The following TRIM61 variants were observed in gnomAD, a reference collection of about 807,000 sequenced individuals.
The protein encoded by TRIM61 is tripartite motif containing 61, also known as putative tripartite motif-containing protein 61.
In TRIM61, 1 loss-of-function variant was observed where a neutral mutation model predicts 14.2. The observed-to-expected ratio is 0.07, with a 90% CI of 0.03 to 0.33. The LOEUF is 0.33. Ranked by LOEUF, TRIM61 falls within the 10% of genes least tolerant of loss-of-function variation. The probability of loss-of-function intolerance (pLI) is 0.99; values close to 1 mark genes in which losing one functional copy is unlikely to be tolerated. For missense variants in TRIM61, 19 were observed against 202.2 expected, an observed-to-expected ratio of 0.09 and a Z score of 5.49; for synonymous variants, 8 against 71.6, an observed-to-expected ratio of 0.11 and a Z score of 4.49.
chr4:164,961,729 T>C (rs754648174), intron 3 of TRIM61, among the ~76,000 whole-genome samples: 11 of 151,822 alleles, frequency 7.2e-5, no homozygotes, highest in Non-Finnish European at 1.5e-4. Flanking sequence ...TCCCCAAATA[T>C]AGGTATATCA....
chr4:164,957,003 A>T, intron 3 of TRIM61: 1 of 1,472,060 alleles, frequency 6.8e-7, no homozygotes, highest in East Asian at 2.5e-5. Context: ...AGACCGGGGC[A>T]GCGCCATGTA....
chr4:164,958,457 A>G (rs1732063233), intron 3 of TRIM61: 1 of 167,040 alleles, frequency 6.0e-6, no homozygotes, highest in Non-Finnish European at 1.5e-5. Flanking sequence ...TATAACCTGT[A>G]CAGTAATAGA....
chr4:164,966,861 A>C (rs930361808), intron 3 of TRIM61, among the ~76,000 whole-genome samples: 2 of 152,134 alleles, frequency 1.3e-5, no homozygotes, highest in Admixed American at 6.6e-5. Flanking sequence ...CAGGAGGCGG[A>C]GGTTGCAGTG....
At chr4:164,958,470 A>T (rs570784464) in intron 3 of TRIM61, 3 of 167,150 alleles carry the variant, frequency 1.8e-5, no homozygotes, top group Admixed American at 1.3e-4. Flanking sequence ...GTAATAGATT[A>T]TGAAGGATGA....
intron 3 of TRIM61, among the ~76,000 whole-genome samples, chr4:164,963,171 C>T (rs1275645095): frequency 1.3e-5 from 2 of 151,914 alleles, no homozygotes; most frequent in East Asian, 1.9e-4. Flanking sequence ...GAGTTTGGGG[C>T]TGCCGTGGGC....
At chr4:164,965,446 C>CTTTTT (rs70952674) in intron 3 of TRIM61, among the ~76,000 whole-genome samples, 15 of 126,292 alleles carry the variant, frequency 1.2e-4, no homozygotes, top group East Asian at 5.8e-4. Flanking sequence ...TCTGCCTATG[C>CTTTTT]TTTTTTTTTT....
chr4:164,956,909 G>C (rs184440152), intron 3 of TRIM61: 2 of 1,057,164 alleles, frequency 1.9e-6, no homozygotes, highest in Non-Finnish European at 1.3e-6. Context: ...AAGTCGGAGC[G>C]GCAGAGCAGT....
At chr4:164,972,589 A>C (rs993649610) in intron 2 of TRIM61, among the ~76,000 whole-genome samples, 4 of 152,134 alleles carry the variant, frequency 2.6e-5, no homozygotes, top group Non-Finnish European at 5.9e-5. Context: ...CCCGGGTTCA[A>C]GTGATTCTCC....
chr4:164,969,457 T>C, intron 3 of TRIM61: 2 of 1,531,824 alleles, frequency 1.3e-6, no homozygotes, highest in Middle Eastern at 2.0e-4. Context: ...CAGACTTGAC[T>C]TCTTCTGCCC....
intron 3 of TRIM61, among the ~76,000 whole-genome samples, chr4:164,962,567 A>G (rs974201397): frequency 6.6e-6 from 1 of 152,108 alleles, no homozygotes; most frequent in African/African-American, 2.4e-5. Flanking sequence ...TCTGTAAATA[A>G]AAAAATGCTG....
At chr4:164,959,586 A>ACTTTG (rs1268735265) in intron 3 of TRIM61, among the ~76,000 whole-genome samples, 1 of 152,220 alleles carries the variant, frequency 6.6e-6, no homozygotes, top group Non-Finnish European at 1.5e-5. Flanking sequence ...CTGAGACCAA[A>ACTTTG]GTTCAGAGTG....
At chr4:164,957,671 CTT>C (rs1732043481) in intron 3 of TRIM61, 1 of 783,610 alleles carries the variant, frequency 1.3e-6, no homozygotes, top group Non-Finnish European at 2.0e-6. Flanking sequence ...ATTTTGAGCA[CTT>C]TGTGCTTTAT....
chr4:164,974,961 G>A (rs1183759095), intron 2 of TRIM61, among the ~76,000 whole-genome samples: 1 of 151,928 alleles, frequency 6.6e-6, no homozygotes, highest in Non-Finnish European at 1.5e-5. Context: ...AGCCACGCAC[G>A]GTGGCTCACA....
chr4:164,961,568 TAAAA>T (rs1732137188), intron 3 of TRIM61, among the ~76,000 whole-genome samples: 1 of 141,432 alleles, frequency 7.1e-6, no homozygotes. Flanking sequence ...AATTAAAAAA[TAAAA>T]AAAGAGCAGA....
intron 3 of TRIM61, among the ~76,000 whole-genome samples, chr4:164,962,389 TTG>T (rs147058101): frequency 0.16 from 24,029 of 146,184 alleles, 1,915 homozygotes; most frequent in Middle Eastern, 0.2. Context: ...CCTGGCTAAT[TTG>T]TGTGTGTGTG....
At chr4:164,968,520 T>C in intron 3 of TRIM61, 1 of 985,528 alleles carries the variant, frequency 1.0e-6, no homozygotes. Flanking sequence ...AAATACAGAA[T>C]AGCCAAAACT....
rs530377962 is a variant in TRIM61 at position 164,956,297 on chromosome 4, C to T, written c.526-1201G>A. Among the ~76,000 whole-genome samples, 63 of 152,306 alleles carry T rather than the reference C, an allele frequency of 4.1e-4. 1 individual carries two copies. Among genetic ancestry groups the T allele is most frequent in the Admixed American group, 4.0e-3 (61 of 15,302 alleles). ...GCCTGGCTGGTCTCAAACTCCAGAG[C>T]TCATGTGATCCGCCCACCTCAGCCT... is the stretch of plus-strand genomic sequence containing the variant. On this transcript the variant is annotated intron_variant, in intron 3 of 4. Coordinates refer to ENST00000329314, the MANE Select transcript of TRIM61 (RefSeq NM_001012414.3).
At chr4:164,970,838 A>C (rs1206614567) in intron 2 of TRIM61, among the ~76,000 whole-genome samples, 2 of 152,122 alleles carry the variant, frequency 1.3e-5, no homozygotes, top group Non-Finnish European at 2.9e-5. Flanking sequence ...GGTGGCTCAC[A>C]CCTATAATCC....
intron 3 of TRIM61, among the ~76,000 whole-genome samples, chr4:164,960,160 G>C (rs1363925242): frequency 6.6e-6 from 1 of 152,126 alleles, no homozygotes; most frequent in Non-Finnish European, 1.5e-5. Context: ...CTGGAGGCAT[G>C]GAAGAAATTC....
Sources: gnomAD v4.1 joint callset for allele counts (sites outside exome capture counted in the v4.1 genomes callset) on GRCh38, gnomAD v4.1.1 for gene constraint, MANE v1.5 for transcripts, NCBI Gene and HGNC (gene_info 2026-07-23, HGNC 2026-07-21) for gene names.